SAMD4A: variants seen among roughly 807,000 people sequenced by gnomAD.
The protein encoded by SAMD4A is sterile alpha motif domain containing 4A, also known as protein Smaug homolog 1.
SAMD4A carries 33 observed loss-of-function variants against 81.3 expected under a neutral mutation model. The observed-to-expected ratio is 0.41, with a 90% confidence interval of 0.31 to 0.54. The LOEUF is 0.54. Ranked by LOEUF, SAMD4A falls within the 20% of genes least tolerant of loss-of-function variation. The pLI is 0.37. For synonymous variants in SAMD4A, 389 were observed against 382.1 expected, an observed-to-expected ratio of 1.02 and a Z score of -0.21; for missense variants, 854 against 951.1, an observed-to-expected ratio of 0.90 and a Z score of 1.34.
intron 2 of SAMD4A, among the ~76,000 whole-genome samples, chr14:54,568,594 A>G (rs1372497454): frequency 6.7e-6 from 1 of 149,818 alleles, no homozygotes; most frequent in African/African-American, 2.5e-5. Context: ...ATCCAATTTT[A>G]TTATTCATTT....
intron 2 of SAMD4A, among the ~76,000 whole-genome samples, chr14:54,634,292 G>A (rs1033951609): frequency 2.6e-5 from 3 of 114,420 alleles, no homozygotes; most frequent in East Asian, 6.5e-4. Context: ...TCTCGGGGGG[G>A]TGGGGGGAGG....
chr14:54,702,319 G>C lies in SAMD4A; in HGVS notation c.454G>C (p.Asp152His). Residue 152 changes from aspartate to histidine, a missense_variant, in exon 3 of 13, where the codon GAC becomes CAC. Physicochemically the swap from Asp to His is moderately conservative, Grantham distance 81. Transcript: ENST00000554335. ...ALAMWLNHLE[D>H]RTSTSFGGQN... The stretch of plus-strand genomic sequence containing the variant: ...AGCCATGTGGCTGAATCACTTGGAG[G>C]ACCGCACGTCGACCAGCTTTGGTGG... The C allele has an allele frequency of 6.2e-7, 1 of 1,613,432 alleles. No individual in the cohort carries two copies. The highest frequency in any genetic ancestry group is 8.5e-7 in the Non-Finnish European group (1 of 1,179,552).
chr14:54,634,010 A>T (rs2034967882), intron 2 of SAMD4A, among the ~76,000 whole-genome samples: 1 of 152,088 alleles, frequency 6.6e-6, no homozygotes, highest in Non-Finnish European at 1.5e-5. Context: ...AAAATTATGT[A>T]TATTCAGCTG....
At chr14:54,660,842 C>A (rs1022594237) in intron 2 of SAMD4A, among the ~76,000 whole-genome samples, 1 of 152,188 alleles carries the variant, frequency 6.6e-6, no homozygotes, top group Non-Finnish European at 1.5e-5. Context: ...CAAGCATATC[C>A]CTCCAGTCCT....
Position 54,630,400 on chromosome 14 carries a change from T to A in SAMD4A, c.196+62288T>A, listed in dbSNP as rs142319795. Among the ~76,000 whole-genome samples, 18 of 152,340 alleles carry A rather than the reference T, an allele frequency of 1.2e-4. No individual in the cohort carries two copies. In the South Asian group the frequency reaches 1.4e-3, roughly 12 times the overall value. On this transcript the variant is annotated intron_variant, in intron 2 of 12. Transcript: ENST00000554335. ...CCAATGAATATGAGATGATATTGCA[T>A]TGTGGTTTTAATTTGCATTTCCCGA...
chr14:54,778,756 C>T (rs775258753), intron 11 of SAMD4A, among the ~76,000 whole-genome samples: 5 of 152,142 alleles, frequency 3.3e-5, no homozygotes, highest in African/African-American at 7.2e-5. Context: ...AACCATTGAA[C>T]GCTGGACAGG....
At chr14:54,610,347 C>T (rs928365257) in intron 2 of SAMD4A, among the ~76,000 whole-genome samples, 2 of 152,090 alleles carry the variant, frequency 1.3e-5, no homozygotes, top group African/African-American at 2.4e-5. Flanking sequence ...AGTCATCTGT[C>T]GAAAAGCAAC....
chr14:54,729,222 C>T (rs1395438178), intron 3 of SAMD4A, among the ~76,000 whole-genome samples: 1 of 152,014 alleles, frequency 6.6e-6, no homozygotes, highest in East Asian at 1.9e-4. Flanking sequence ...TGCTGGTTCC[C>T]ACACTCAGTA....
At chr14:54,785,423 G>GA (rs2039113233) in intron 12 of SAMD4A, among the ~76,000 whole-genome samples, 2 of 152,240 alleles carry the variant, frequency 1.3e-5, no homozygotes, top group African/African-American at 2.4e-5. Flanking sequence ...GGCAGGCAGA[G>GA]GAGAGAAGAG....
At chr14:54,764,291 A>T (rs558177321) in intron 7 of SAMD4A, among the ~76,000 whole-genome samples, 164 bp from the exon 8 acceptor site, 1 of 152,152 alleles carries the variant, frequency 6.6e-6, no homozygotes, top group Non-Finnish European at 1.5e-5. Flanking sequence ...CCAGCCTTTG[A>T]CTTCTGTGGA....
chr14:54,721,892 G>T (rs918064738), intron 3 of SAMD4A, among the ~76,000 whole-genome samples: 10 of 152,156 alleles, frequency 6.6e-5, no homozygotes, highest in African/African-American at 2.2e-4. Flanking sequence ...CTTAGAAATA[G>T]TGACATCCTT....
chr14:54,698,700 G>A (rs1304319700), intron 2 of SAMD4A, among the ~76,000 whole-genome samples: 1 of 152,208 alleles, frequency 6.6e-6, no homozygotes, highest in Non-Finnish European at 1.5e-5. Context: ...TGATTTCTGT[G>A]TTCCCAGTGG....
intron 2 of SAMD4A, among the ~76,000 whole-genome samples, chr14:54,630,906 A>ATGTGTGTG (rs780859854): frequency 1.5e-5 from 1 of 65,482 alleles, no homozygotes; most frequent in African/African-American, 6.0e-5. Context: ...CTTGTATTTT[A>ATGTGTGTG]TATGTGTGTG....
rs1259611761 is a variant in SAMD4A, at chr14:54,724,042, AAGGAAGGAATAATGC to A, written c.716-12977_716-12963del. Among the ~76,000 whole-genome samples, 236 of 152,096 alleles carry A rather than the reference AAGGAAGGAATAATGC, an allele frequency of 1.6e-3. 3 individuals are homozygous for A. Among genetic ancestry groups the A allele is most frequent in the African/African-American group, 5.4e-3 (223 of 41,454 alleles). ...GAAGGAAGGAAGGAAGGAAGGAAGG[AAGGAAGGAATAATGC>A]AGGACGCATCTATTCATAGGACCCC... is the stretch of plus-strand genomic sequence containing the variant. On this transcript the variant is annotated intron_variant, in intron 3 of 12. Transcript: ENST00000554335.
rs186863885 is a variant in SAMD4A, at chr14:54,688,900, A to G, written c.197-13162A>G. Among the ~76,000 whole-genome samples the G allele has an allele frequency of 2.3e-4, 27 of 119,390 alleles. 1 individual carries two copies. In the East Asian group the frequency reaches 5.5e-3, roughly 24 times the overall value. 78.3% of individuals were successfully genotyped at this position (119,390 alleles called of 152,430 possible). A position where few individuals can be genotyped will look rare whatever the true frequency, so the allele number is the denominator to read the frequency against. On this transcript the variant is annotated intron_variant, in intron 2 of 12. Transcript: ENST00000554335. Reference sequence around the variant, plus strand: ...TTAAACACAGTTTTTGATTCAGTAGATCTATAGAGAGGGTCCCAGAAGTCG... The same window carrying G: ...TTAAACACAGTTTTTGATTCAGTAGGTCTATAGAGAGGGTCCCAGAAGTCG...
chr14:54,741,260 G>A (rs1303443524), intron 4 of SAMD4A, among the ~76,000 whole-genome samples: 1 of 152,216 alleles, frequency 6.6e-6, no homozygotes, highest in Non-Finnish European at 1.5e-5. Context: ...GAAAAAGAGA[G>A]AGAGAAAAGA....
At chr14:54,612,421 A>C (rs917306535) in intron 2 of SAMD4A, among the ~76,000 whole-genome samples, 1 of 152,088 alleles carries the variant, frequency 6.6e-6, no homozygotes, top group Non-Finnish European at 1.5e-5. Context: ...GGCTATTATT[A>C]ATTTGATTTC....
At chr14:54,704,043 C>T (rs139682131) in intron 3 of SAMD4A, among the ~76,000 whole-genome samples, 1 of 152,190 alleles carries the variant, frequency 6.6e-6, no homozygotes, top group Non-Finnish European at 1.5e-5. Flanking sequence ...ACTGAAGATA[C>T]TGCATTGATA....
Position 54,783,242 on chromosome 14 carries a change from C to T in SAMD4A, c.2045-1295C>T, listed in dbSNP as rs189371421. The stretch of plus-strand genomic sequence containing the variant: ...ACTTCTTCTACTTTCTCTTTTTCTT[C>T]GCTCAGTAGACATGTATGAGGCAGA... On this transcript the variant is annotated intron_variant, in intron 11 of 12. Coordinates refer to ENST00000554335, the MANE Select transcript of SAMD4A (RefSeq NM_015589.6). Among the ~76,000 whole-genome samples, 10 of 151,768 alleles carry T rather than the reference C, an allele frequency of 6.6e-5. No individual in the cohort carries two copies. In the South Asian group the frequency reaches 8.3e-4, roughly 13 times the overall value.
Sources: allele counts gnomAD v4.1 joint callset (sites outside exome capture counted in the v4.1 genomes callset), GRCh38; gene constraint gnomAD v4.1.1; transcripts MANE v1.5; gene names NCBI Gene and HGNC (gene_info 2026-07-23, HGNC 2026-07-21).